Variants in HSPG2 observed in about 807,000 individuals in gnomAD.
HSPG2 encodes heparan sulfate proteoglycan 2, also known as basement membrane-specific heparan sulfate proteoglycan core protein.
A neutral mutation model predicts 526.6 loss-of-function variants in HSPG2; 278 were observed. The ratio of observed to expected loss-of-function variants is 0.53; its 90% CI spans 0.48 to 0.58. HSPG2 has a LOEUF of 0.58. Ranked by LOEUF, HSPG2 falls within the 20% of genes least tolerant of loss-of-function variation. HSPG2 has a pLI of 0.00. For missense variants in HSPG2, 5,354 were observed against 6,099.5 expected (o/e 0.88, Z 4.07); for synonymous variants, 2,465 against 2,555.4 (o/e 0.96, Z 1.07).
chr1:21,889,025 C>T (rs1275982071), intron 6 of HSPG2, among the ~76,000 whole-genome samples: 2 of 152,126 alleles, frequency 1.3e-5, no homozygotes, highest in South Asian at 2.1e-4. Context: ...TCCTGGGCTC[C>T]GGTGATCCTC....
At chr1:21,935,930 G>A (rs1644477255) in intron 1 of HSPG2, among the ~76,000 whole-genome samples, 1 of 152,116 alleles carries the variant, frequency 6.6e-6, no homozygotes, top group African/African-American at 2.4e-5. Flanking sequence ...GGTGGGGCAA[G>A]AGCAGTGAGG....
chr1:21,878,686 G>A lies in HSPG2; in HGVS notation c.2472-23C>T, dbSNP rs754893623. 2.5e-6 allele frequency: 4 copies of A among 1,601,504 alleles called. No individual in the cohort carries two copies. In the Admixed American group the frequency reaches 6.7e-5, roughly 27 times the overall value. On this transcript the variant is annotated intron_variant, in intron 18 of 96. Transcript: ENST00000374695. ...AATCTGCAGGTATCAAGTGGACAGGGCATGGGGCAGGGCTGGGGTCAGGCT... is the reference window on the plus strand; with the variant it reads ...AATCTGCAGGTATCAAGTGGACAGGACATGGGGCAGGGCTGGGGTCAGGCT...
chr1:21,931,880 G>A (rs1644359603), intron 1 of HSPG2, among the ~76,000 whole-genome samples: 1 of 152,156 alleles, frequency 6.6e-6, no homozygotes, highest in African/African-American at 2.4e-5. Context: ...ACAACCAGGA[G>A]GGTGTTCTTC....
Position 21,841,648 on chromosome 1 carries a change from G to C in HSPG2, c.9219C>G (p.Gly3073=). ...LEDNVHISPN[G]SIITIVGTRP... is the part of the protein sequence containing the mutation. The stretch of plus-strand genomic sequence containing the variant: ...GGGTGCCCACGATGGTGATGATGGA[G>C]CCATTGGGACTGATGTGGACGTTGT... Residue 3073 remains glycine (G), a synonymous_variant, in exon 70 of 97, where the codon GGC becomes GGG. Coordinates refer to ENST00000374695, the MANE Select transcript of HSPG2 (RefSeq NM_005529.7). The C allele has an allele frequency of 6.2e-7, 1 of 1,614,180 alleles. No homozygotes were observed. The highest frequency in any genetic ancestry group is 8.5e-7 in the Non-Finnish European group (1 of 1,180,008).
intron 1 of HSPG2, among the ~76,000 whole-genome samples, chr1:21,903,924 G>C (rs1037165491): frequency 6.6e-6 from 1 of 152,170 alleles, no homozygotes; most frequent in Admixed American, 6.5e-5. Flanking sequence ...CTCCAAGTCC[G>C]GGCCACCCTG....
chr1:21,866,225 C>T (rs768032686), intron 33 of HSPG2, among the ~76,000 whole-genome samples: 3 of 152,218 alleles, frequency 2.0e-5, no homozygotes, highest in African/African-American at 7.2e-5. Context: ...CCCTCGGAGG[C>T]CTTGCCTCCT....
At chr1:21,933,538 CAG>C (rs955116392) in intron 1 of HSPG2, among the ~76,000 whole-genome samples, 7 of 152,240 alleles carry the variant, frequency 4.6e-5, no homozygotes, top group Non-Finnish European at 8.8e-5. Context: ...GCCCTGAACC[CAG>C]TCACCTCCTG....
intron 1 of HSPG2, among the ~76,000 whole-genome samples, chr1:21,917,887 G>C (rs555639403): frequency 6.6e-6 from 1 of 151,982 alleles, no homozygotes; most frequent in East Asian, 1.9e-4. Flanking sequence ...AATCACTTGA[G>C]TTACTGTCTC....
chr1:21,878,857 G>T, intron 18 of HSPG2, 137 bp downstream of exon 18: 1 of 1,251,504 alleles, frequency 8.0e-7, no homozygotes, highest in Non-Finnish European at 1.1e-6. Flanking sequence ...GAGGCCTAGA[G>T]AGGTCCAGGA....
chr1:21,873,510 A>C, intron 29 of HSPG2, 86 bp from the exon 30 acceptor site: 1 of 1,242,132 alleles, frequency 8.1e-7, no homozygotes, highest in Non-Finnish European at 1.2e-6. Flanking sequence ...ATTGAATTCA[A>C]TGGCCTCATG....
intron 1 of HSPG2, among the ~76,000 whole-genome samples, chr1:21,900,668 T>C (rs1344955208): frequency 6.6e-6 from 1 of 152,084 alleles, no homozygotes; most frequent in Non-Finnish European, 1.5e-5. Context: ...ACAGATCACT[T>C]GAGGCCAGAA....
In HSPG2 at chr1:21,923,710, G is replaced by A. The variant is rs1644107793; in HGVS notation, c.63+13445C>T. Among the ~76,000 whole-genome samples, 3 of 152,126 alleles carry A rather than the reference G, an allele frequency of 2.0e-5. No homozygotes were observed. In the South Asian group the frequency reaches 6.2e-4, roughly 32 times the overall value. The stretch of plus-strand genomic sequence containing the variant: ...TCCTCGAGTGTCTTCCTTGAATGTA[G>A]CCTCCTTCTCCCTACTCCTTTACCA... On this transcript the variant is annotated intron_variant, in intron 1 of 96. Coordinates refer to ENST00000374695, the MANE Select transcript of HSPG2 (RefSeq NM_005529.7).
In HSPG2 at chr1:21,878,264, A is replaced by G. The variant is rs1183077945; in HGVS notation, c.2618-11T>C. On this transcript the variant is annotated splice_polypyrimidine_tract_variant and intron_variant, in intron 20 of 96. Coordinates refer to ENST00000374695, the MANE Select transcript of HSPG2 (RefSeq NM_005529.7). ...GCACAATCTCCTGGTCTGGGACACAAAACGAGTGTTGGCAGGGCAGGTGGG... is the reference window on the plus strand; with the variant it reads ...GCACAATCTCCTGGTCTGGGACACAGAACGAGTGTTGGCAGGGCAGGTGGG... 1 of 1,613,830 alleles carries G rather than the reference A, an allele frequency of 6.2e-7. No homozygotes were observed. The highest frequency in any genetic ancestry group is 1.7e-5 in the Admixed American group (1 of 59,992).
At chr1:21,910,684 T>C (rs1293185914) in intron 1 of HSPG2, among the ~76,000 whole-genome samples, 4 of 152,110 alleles carry the variant, frequency 2.6e-5, no homozygotes, top group Admixed American at 2.0e-4. Context: ...TACTGACTGA[T>C]ACAAATATTT....
rs62642505 is a variant in HSPG2, at chr1:21,839,541, G to T, written c.9719C>A (p.Ala3240Glu). Residue 3240 changes from alanine (A) to glutamate (E), a missense_variant, in exon 73 of 97, where the codon GCG becomes GAG. Transcript: ENST00000374695. This position sits in a 1 kb window ranked among gnomAD's most constrained non-coding sequence, Gnocchi z 4.5. ...CAGCTTGGACCAGTGGATGGTGGGC[G>T]CGGGGCTGCCTGTGGAGTCGAGTGG... Reference protein sequence around the residue: ...TLRCSATGSPAPTIHWSKLRS... With the variant: ...TLRCSATGSPEPTIHWSKLRS... 7 of 1,613,718 alleles carry T rather than the reference G, an allele frequency of 4.3e-6. No homozygotes were observed. The highest frequency in any genetic ancestry group is 5.9e-6 in the Non-Finnish European group (7 of 1,179,950).
rs772559776 is a variant in HSPG2, at chr1:21,844,211, G to A, written c.8553C>T (p.Pro2851=). ...GQTLDLKCVV[P]GQAHAQVTWH... is the part of the protein sequence containing the mutation. ...ACGTGACCTGGGCGTGGGCCTGCCC[G>A]GGCACCACGCACTTCAGATCCAGGG... The change falls in exon 65 of 97, where the codon CCC becomes CCT. Residue 2851 remains proline (P), a synonymous_variant. Transcript: ENST00000374695. 6.8e-6 allele frequency: 11 copies of A among 1,613,674 alleles called. No individual in the cohort carries two copies. The highest frequency in any genetic ancestry group is 3.3e-5 in the Admixed American group (2 of 60,008).
rs144217842 is a variant in HSPG2 at position 21,824,134 on chromosome 1, C to T, written c.12886G>A (p.Val4296Met). Reference protein sequence around the residue: ...DPINDGEWHRVTALREGRRGS... With the variant: ...DPINDGEWHRMTALREGRRGS... ...AGGGTCCCTTACCGCAGTGCTGTCACCCGGTGCCACTCGCCGTCATTGATG... is the reference window on the plus strand; with the variant it reads ...AGGGTCCCTTACCGCAGTGCTGTCATCCGGTGCCACTCGCCGTCATTGATG... Residue 4296 changes from valine to methionine, a missense_variant, in exon 95 of 97, where the codon GTG (valine) becomes ATG (methionine). Physicochemically the swap from Val to Met is conservative, Grantham distance 21. Transcript: ENST00000374695. The surrounding 1 kb of genome is among the most constrained non-coding windows in gnomAD (Gnocchi z 5.9). 6.8e-6 allele frequency: 11 copies of T among 1,613,320 alleles called. No homozygotes were observed. The South Asian group carries it at 1.1e-4, about 16-fold the overall frequency.
At chr1:21,917,326 G>C (rs1295831849) in intron 1 of HSPG2, among the ~76,000 whole-genome samples, 1 of 151,908 alleles carries the variant, frequency 6.6e-6, no homozygotes, top group African/African-American at 2.4e-5. Flanking sequence ...CCAGCTACTC[G>C]GGAGGCTGAG....
Position 21,822,521 on chromosome 1 carries a change from T to G in HSPG2, c.*795A>C. ...GTCCGTTGTCTGTTGGAGGAGTCCC[T>G]GGGCCTTCACTTCCAGATGGGTGGG... is the stretch of plus-strand genomic sequence containing the variant. On this transcript the variant is annotated 3_prime_UTR_variant, in exon 97 of 97. Coordinates refer to ENST00000374695, the MANE Select transcript of HSPG2 (RefSeq NM_005529.7). 1.5e-5 allele frequency: 4 copies of G among 264,530 alleles called. No individual in the cohort carries two copies. Among genetic ancestry groups the G allele is most frequent in the South Asian group, 3.7e-5 (1 of 27,166 alleles). The allele number at this position is 264,530 out of a possible 1,614,324, so 16.4% of individuals were successfully genotyped here. A position where few individuals can be genotyped will look rare whatever the true frequency, so the allele number is the denominator to read the frequency against.
Sources: allele counts gnomAD v4.1 joint callset (sites outside exome capture counted in the v4.1 genomes callset), GRCh38; gene constraint gnomAD v4.1.1; non-coding constraint Gnocchi (gnomAD v3.1); transcripts MANE v1.5; gene names NCBI Gene and HGNC (gene_info 2026-07-23, HGNC 2026-07-21).